SOCS7: variants seen among roughly 807,000 people sequenced by gnomAD.
SOCS7 encodes the protein NAP-4.
Under a neutral mutation model 58.9 loss-of-function variants are expected in SOCS7, and 18 were observed. The ratio of observed to expected loss-of-function variants is 0.31; its 90% CI spans 0.21 to 0.45. The LOEUF is 0.45. Among genes scored for constraint, SOCS7 ranks in the 20% least tolerant of loss-of-function variants. SOCS7 has a pLI of 1.00. For synonymous variants in SOCS7, 388 were observed against 364.3 expected (o/e 1.06, Z -0.74); for missense variants, 667 against 837.3 (o/e 0.80, Z 2.51).
chr17:38,385,321 T>C (rs907556722), intron 7 of SOCS7, among the ~76,000 whole-genome samples: 7 of 152,154 alleles, frequency 4.6e-5, no homozygotes, highest in Admixed American at 1.3e-4. Context: ...CGTTGTTTAA[T>C]ATGTTCCTCT....
At chr17:38,384,389 C>T (rs184899074) in intron 7 of SOCS7, among the ~76,000 whole-genome samples, 23 of 152,246 alleles carry the variant, frequency 1.5e-4, no homozygotes, top group Admixed American at 3.9e-4. Flanking sequence ...ACCTCCCAGG[C>T]TCAAGTGATC....
chr17:38,366,143 C>T, intron 4 of SOCS7, 144 bp from the exon 5 acceptor site: 1 of 1,300,094 alleles, frequency 7.7e-7, no homozygotes, highest in Non-Finnish European at 1.0e-6. Flanking sequence ...CAGCTCTTTG[C>T]CACTGCTTTG....
At chr17:38,377,891 A>G in intron 7 of SOCS7, 49 bp downstream of exon 7, 1 of 1,573,502 alleles carries the variant, frequency 6.4e-7, no homozygotes, top group Admixed American at 1.9e-5. Flanking sequence ...GGTATGATCC[A>G]GTTTAGTGTC....
At chr17:38,355,596 C>T (rs1454129792) in intron 1 of SOCS7, among the ~76,000 whole-genome samples, 1 of 152,172 alleles carries the variant, frequency 6.6e-6, no homozygotes, top group Non-Finnish European at 1.5e-5. Context: ...TGAGAAATTT[C>T]AGTCTTTTGC....
intron 5 of SOCS7, among the ~76,000 whole-genome samples, chr17:38,367,618 C>T (rs1240013172): frequency 1.3e-5 from 2 of 152,210 alleles, no homozygotes; most frequent in Admixed American, 6.5e-5. Flanking sequence ...AAGTGATCCA[C>T]CCGCCTCAGC....
intron 6 of SOCS7, among the ~76,000 whole-genome samples, 156 bp downstream of exon 6, chr17:38,368,206 G>C (rs41487952): frequency 0.021 from 3,211 of 152,214 alleles, 118 homozygotes; most frequent in African/African-American, 0.074. Flanking sequence ...GCTGATTTCC[G>C]TCACTAGAAG....
intron 7 of SOCS7, among the ~76,000 whole-genome samples, chr17:38,390,709 C>CTTT (rs776122052): frequency 8.3e-6 from 1 of 120,020 alleles, no homozygotes; most frequent in Non-Finnish European, 1.8e-5. Flanking sequence ...TTCTTTCTGT[C>CTTT]TTTTTTTTTT....
chr17:38,391,405 T>G (rs2038171853), intron 7 of SOCS7, among the ~76,000 whole-genome samples: 1 of 152,182 alleles, frequency 6.6e-6, no homozygotes, highest in Non-Finnish European at 1.5e-5. Flanking sequence ...GAATATCTTT[T>G]TTTTAGACAG....
intron 1 of SOCS7, among the ~76,000 whole-genome samples, chr17:38,356,599 A>G (rs1041151659): frequency 3.9e-5 from 6 of 151,940 alleles, no homozygotes; most frequent in Non-Finnish European, 5.9e-5. Flanking sequence ...TCCTGAGCTC[A>G]GGCAGTCCGC....
chr17:38,395,231 T>G (rs189838566), intron 7 of SOCS7, 78 bp from the exon 8 acceptor site: 2 of 1,493,194 alleles, frequency 1.3e-6, no homozygotes, highest in Admixed American at 1.8e-5. Context: ...TTCCCCTCCC[T>G]AGGTTCTCTT....
intron 9 of SOCS7, among the ~76,000 whole-genome samples, chr17:38,398,009 G>C (rs554316633): frequency 6.6e-6 from 1 of 152,252 alleles, no homozygotes; most frequent in Non-Finnish European, 1.5e-5. Flanking sequence ...CCCTGCCTCA[G>C]CTGGGAAGGA....
At chr17:38,371,099 T>TG (rs2037857746) in intron 6 of SOCS7, among the ~76,000 whole-genome samples, 2 of 152,096 alleles carry the variant, frequency 1.3e-5, no homozygotes, top group African/African-American at 4.8e-5. Flanking sequence ...TATCCCTTTT[T>TG]TGTGTTTGTT....
intron 7 of SOCS7, among the ~76,000 whole-genome samples, chr17:38,380,996 G>A (rs1306315851): frequency 1.3e-5 from 2 of 152,216 alleles, no homozygotes; most frequent in East Asian, 1.9e-4. Flanking sequence ...GCTGAAGCCA[G>A]AATTCAAACC....
At chr17:38,372,804 C>G (rs182016114) in intron 6 of SOCS7, among the ~76,000 whole-genome samples, 9 of 152,196 alleles carry the variant, frequency 5.9e-5, no homozygotes, top group African/African-American at 2.2e-4. Context: ...AGCATAAGGA[C>G]TGTTGTAATA....
At chr17:38,380,226 A>C (rs989727544) in intron 7 of SOCS7, among the ~76,000 whole-genome samples, 1 of 152,186 alleles carries the variant, frequency 6.6e-6, no homozygotes, top group East Asian at 1.9e-4. Context: ...TAGTGTTTGC[A>C]ACTATTAATA....
chr17:38,398,024 G>C (rs1219797340), intron 9 of SOCS7, among the ~76,000 whole-genome samples: 1 of 152,160 alleles, frequency 6.6e-6, no homozygotes, highest in African/African-American at 2.4e-5. Context: ...GAAGGACGTG[G>C]CATGATCAGG....
intron 7 of SOCS7, among the ~76,000 whole-genome samples, chr17:38,388,133 A>C (rs2038104902): frequency 6.6e-6 from 1 of 151,902 alleles, no homozygotes; most frequent in Admixed American, 6.6e-5. Flanking sequence ...GTATTGTCTC[A>C]CCTTTAACCA....
Position 38,352,807 on chromosome 17 carries a change from C to T in SOCS7, c.755C>T (p.Pro252Leu), listed in dbSNP as rs771107484. The T allele has an allele frequency of 2.1e-5, 33 of 1,546,118 alleles. No homozygotes were observed. Among genetic ancestry groups the T allele is most frequent in the Non-Finnish European group, 2.6e-5 (30 of 1,143,826 alleles). The change falls in exon 1 of 10, where the codon CCT becomes CTT. Residue 252 changes from proline (P) to leucine (L), a missense_variant. By Grantham distance (98) the Pro-to-Leu change is moderately conservative. Around this residue, in one of 9 missense-constraint regions of SOCS7, gnomAD observed 208 missense variants for 190.3 expected, o/e 1.09. Transcript: ENST00000612932. The surrounding 1 kb of genome is among the most constrained non-coding windows in gnomAD (Gnocchi z 5.5). ...GEQQQQQQQQ[P>L]PPPPPPPGPL... ...CAGCAGCAGCAGCAGCAGCAGCAAC[C>T]TCCCCCGCCCCCGCCTCCTCCCGGG... is the stretch of plus-strand genomic sequence containing the variant.
rs185032938 is a variant in SOCS7 at position 38,394,878 on chromosome 17, C to T, written c.1682-431C>T. ...TAGCCTGGGCAACATGGGGAAACCC[C>T]GTCTCTACTAAAAATACAAAAATTA... On this transcript the variant is annotated intron_variant, in intron 7 of 9. Coordinates refer to ENST00000612932, the MANE Select transcript of SOCS7 (RefSeq NM_014598.4). Among the ~76,000 whole-genome samples the T allele has an allele frequency of 7.2e-5, 11 of 152,144 alleles. No homozygotes were observed. In the East Asian group the frequency reaches 9.7e-4, roughly 13 times the overall value.
Sources: allele counts gnomAD v4.1 joint callset (sites outside exome capture counted in the v4.1 genomes callset), GRCh38; gene constraint gnomAD v4.1.1; regional missense constraint gnomAD v4.1.1; non-coding constraint Gnocchi (gnomAD v3.1); transcripts MANE v1.5; gene names NCBI Gene and HGNC (gene_info 2026-07-23, HGNC 2026-07-21).